The following RUSC2 variants were observed in gnomAD, a reference collection of about 807,000 sequenced individuals.
RUSC2 encodes RUN and SH3 domain containing 2.
A neutral mutation model predicts 122.2 loss-of-function variants in RUSC2; 34 were observed. That is an observed-to-expected ratio of 0.28 (90% CI 0.21 to 0.37). RUSC2 has a LOEUF of 0.37. RUSC2 is among the 10% of genes least tolerant of loss of function. The pLI is 1.00. For missense variants in RUSC2, 1,747 were observed against 1,952.4 expected (o/e 0.89, Z 1.98); for synonymous variants, 784 against 790.0 (o/e 0.99, Z 0.13).
chr9:35,518,003 CAAG>C (rs1434173575), intron 1 of RUSC2, among the ~76,000 whole-genome samples: 4 of 152,104 alleles, frequency 2.6e-5, no homozygotes, highest in African/African-American at 4.8e-5. Context: ...GAGGAAAACC[CAAG>C]AATGAAAGCA....
chr9:35,558,253 C>T lies in RUSC2; in HGVS notation c.3117C>T (p.Tyr1039=). Residue 1039 remains tyrosine, a synonymous_variant, in exon 7 of 12, where the codon TAC becomes TAT. Coordinates refer to ENST00000361226, the MANE Select transcript of RUSC2 (RefSeq NM_014806.5). This position sits in a 1 kb window ranked among gnomAD's most constrained non-coding sequence, Gnocchi z 4.3. The stretch of plus-strand genomic sequence containing the variant: ...ATGTGGGCCACCTGGTTCTGAAGTA[C>T]TTGTGCCCTGCCGTCCGCGCCGTGC... The part of the protein sequence containing the change: ...SPNVGHLVLK[Y]LCPAVRAVLE... The T allele has an allele frequency of 6.2e-7, 1 of 1,614,142 alleles. No homozygotes were observed. Among genetic ancestry groups the T allele is most frequent in the South Asian group, 1.1e-5 (1 of 91,086 alleles).
chr9:35,529,100 A>C (rs553036283), intron 1 of RUSC2, among the ~76,000 whole-genome samples: 2 of 152,236 alleles, frequency 1.3e-5, no homozygotes, highest in Non-Finnish European at 2.9e-5. Flanking sequence ...GATATTTAGA[A>C]TATTCTCAAT....
At chr9:35,542,096 C>T (rs1253020221) in intron 1 of RUSC2, among the ~76,000 whole-genome samples, 11 of 152,168 alleles carry the variant, frequency 7.2e-5, no homozygotes, top group Non-Finnish European at 1.2e-4. Flanking sequence ...TACAAAATCT[C>T]ATGAGATGCC....
chr9:35,547,926 G>A lies in RUSC2; in HGVS notation c.1405G>A (p.Ala469Thr), dbSNP rs1327052034. 1 of 1,614,252 alleles carries A rather than the reference G, an allele frequency of 6.2e-7. No individual in the cohort carries two copies. Among genetic ancestry groups the A allele is most frequent in the South Asian group, 1.1e-5 (1 of 91,086 alleles). The change falls in exon 2 of 12, where the codon GCT (alanine) becomes ACT (threonine). Residue 469 changes from alanine to threonine, a missense_variant. Coordinates refer to ENST00000361226, the MANE Select transcript of RUSC2 (RefSeq NM_014806.5). The surrounding 1 kb of genome is among the most constrained non-coding windows in gnomAD (Gnocchi z 4.6). ...AGTGAGTTCCTCCACCCAAGCAGCA[G>A]CTGCTGTGGGCCCCACTGTGCTTGA... is the stretch of plus-strand genomic sequence containing the variant. Reference protein sequence around the residue: ...EAVSSSTQAAAAVGPTVLEGQ... With the variant: ...EAVSSSTQAATAVGPTVLEGQ...
At chr9:35,494,301 A>G (rs1820629471) in intron 1 of RUSC2, among the ~76,000 whole-genome samples, 1 of 151,974 alleles carries the variant, frequency 6.6e-6, no homozygotes, top group Non-Finnish European at 1.5e-5. Flanking sequence ...CTCCATCTCT[A>G]CTGAAAATAC....
At chr9:35,520,404 C>T (rs929498070) in intron 1 of RUSC2, among the ~76,000 whole-genome samples, 2 of 152,146 alleles carry the variant, frequency 1.3e-5, no homozygotes, top group Admixed American at 6.5e-5. Flanking sequence ...GCTTCCCCCA[C>T]CCCTCTCTTT....
At chr9:35,529,359 C>T (rs1362867920) in intron 1 of RUSC2, among the ~76,000 whole-genome samples, 1 of 151,438 alleles carries the variant, frequency 6.6e-6, no homozygotes, top group Non-Finnish European at 1.5e-5. Flanking sequence ...AACCACTTCT[C>T]AGCTCCAGCT....
chr9:35,504,488 G>A (rs571544895), intron 1 of RUSC2, among the ~76,000 whole-genome samples: 143 of 143,862 alleles, frequency 9.9e-4, no homozygotes, highest in African/African-American at 3.5e-3. Flanking sequence ...TTTTTGAGAC[G>A]GAGTTTCGCT....
Position 35,560,230 on chromosome 9 carries a change from A to T in RUSC2, c.3590A>T (p.Asp1197Val). The change falls in exon 10 of 12, where the codon GAC becomes GTC. Residue 1197 changes from aspartate to valine, a missense_variant. Coordinates refer to ENST00000361226, the MANE Select transcript of RUSC2 (RefSeq NM_014806.5). ...QHKELLRVSQDLLLSAHSTLQ... is the reference protein window; with the variant it reads ...QHKELLRVSQVLLLSAHSTLQ... ...AAGGAACTGCTGCGGGTGTCCCAGGACCTGCTGCTGTCTGCCCACTCCACG... is the reference window on the plus strand; with the variant it reads ...AAGGAACTGCTGCGGGTGTCCCAGGTCCTGCTGCTGTCTGCCCACTCCACG... 6.2e-7 allele frequency: 1 copy of T among 1,603,422 alleles called. No individual in the cohort carries two copies. Among genetic ancestry groups the T allele is most frequent in the Non-Finnish European group, 8.5e-7 (1 of 1,178,376 alleles).
chr9:35,545,462 T>A (rs1292939904), intron 1 of RUSC2, among the ~76,000 whole-genome samples: 1 of 152,208 alleles, frequency 6.6e-6, no homozygotes, highest in Non-Finnish European at 1.5e-5. Flanking sequence ...GGATGGGTTC[T>A]GTGTCCTTGG....
chr9:35,518,881 A>G (rs1411614862), intron 1 of RUSC2, among the ~76,000 whole-genome samples: 1 of 152,162 alleles, frequency 6.6e-6, no homozygotes. Flanking sequence ...GCTTCTGGGT[A>G]GTTGAGTGGC....
rs1822044559 is a variant in RUSC2 at position 35,557,344 on chromosome 9, A to C, written c.2984-570A>C. ...TCCTCCAGGACGCGAAGGGGATGCA[A>C]GTGGGCAGGGGAGTGAGGGGTGTAC... On this transcript the variant is annotated intron_variant, in intron 5 of 11. Coordinates refer to ENST00000361226, the MANE Select transcript of RUSC2 (RefSeq NM_014806.5). The surrounding 1 kb of genome is among the most constrained non-coding windows in gnomAD (Gnocchi z 4.6). 6.6e-6 allele frequency among the ~76,000 whole-genome samples: 1 copy of C among 152,126 alleles called. No homozygotes were observed. Among genetic ancestry groups the C allele is most frequent in the Non-Finnish European group, 1.5e-5 (1 of 68,012 alleles).
chr9:35,538,549 G>T (rs1273721569), intron 1 of RUSC2: 1 of 152,484 alleles, frequency 6.6e-6, no homozygotes, highest in Non-Finnish European at 1.5e-5. Flanking sequence ...GCAAAAAGAG[G>T]AGGGAGAGGT....
rs1195297309 is a variant in RUSC2, at chr9:35,523,718, G to T, written c.-92-22712G>T. On this transcript the variant is annotated intron_variant, in intron 1 of 11. Coordinates refer to ENST00000361226, the MANE Select transcript of RUSC2 (RefSeq NM_014806.5). ...TAGTCCCAGCTACTCAGGAGGCTGA[G>T]GTGGAAGGATGGCTTGAGTCCAGGA... Among the ~76,000 whole-genome samples, 4 of 151,954 alleles carry T rather than the reference G, an allele frequency of 2.6e-5. No individual in the cohort carries two copies. In the East Asian group the frequency reaches 7.7e-4, roughly 29 times the overall value.
chr9:35,517,317 C>T (rs774898159), intron 1 of RUSC2, among the ~76,000 whole-genome samples: 45 of 152,182 alleles, frequency 3.0e-4, no homozygotes, highest in Admixed American at 5.2e-4. Flanking sequence ...ACTCAGGGAT[C>T]GCTGGGCTAG....
chr9:35,490,237 C>T (rs1441149453), intron 1 of RUSC2, 65 bp downstream of exon 1: 1 of 152,802 alleles, frequency 6.5e-6, no homozygotes, highest in Non-Finnish European at 1.5e-5. Context: ...TCCAAGGTCT[C>T]CCTTAGGGGA....
chr9:35,522,787 A>C (rs1821241245), intron 1 of RUSC2, among the ~76,000 whole-genome samples: 1 of 152,254 alleles, frequency 6.6e-6, no homozygotes, highest in Non-Finnish European at 1.5e-5. Flanking sequence ...TACTGGAATC[A>C]ATCATGCAGT....
chr9:35,502,738 GCC>G (rs1416039644), intron 1 of RUSC2, among the ~76,000 whole-genome samples: 3 of 152,178 alleles, frequency 2.0e-5, no homozygotes, highest in African/African-American at 7.2e-5. Context: ...GTTTGAATGA[GCC>G]ATAACTTGCT....
intron 1 of RUSC2, among the ~76,000 whole-genome samples, chr9:35,505,379 G>C (rs919941083): frequency 3.9e-5 from 6 of 152,008 alleles, no homozygotes; most frequent in Non-Finnish European, 5.9e-5. Flanking sequence ...CTTAGTCCCC[G>C]ACCCCACCAC....
Sources: gnomAD v4.1 joint callset for allele counts (sites outside exome capture counted in the v4.1 genomes callset) on GRCh38, gnomAD v4.1.1 for gene constraint, Gnocchi (gnomAD v3.1) non-coding constraint, MANE v1.5 for transcripts, NCBI Gene and HGNC (gene_info 2026-07-23, HGNC 2026-07-21) for gene names.